COL9A1: variants seen among roughly 807,000 people sequenced by gnomAD.
COL9A1 encodes collagen alpha-1(IX) chain.
COL9A1 carries 104 observed loss-of-function variants against 142.6 expected under a neutral mutation model. That is an observed-to-expected ratio of 0.73 (90% CI 0.62 to 0.86). The LOEUF (loss-of-function observed/expected upper bound fraction) is 0.86, where lower values mean the gene tolerates loss of function less well. Among genes scored for constraint, COL9A1 ranks in the 40% least tolerant of loss-of-function variants. The pLI is 0.00. For synonymous variants in COL9A1, 466 were observed against 396.0 expected (o/e 1.18, Z -2.10); for missense variants, 1,210 against 1,176.6 (o/e 1.03, Z -0.42).
chr6:70,234,299 C>CAAAAAAAAAAAAAAAAAA (rs1376237848), intron 35 of COL9A1, among the ~76,000 whole-genome samples: 3 of 132,012 alleles, frequency 2.3e-5, no homozygotes, highest in Admixed American at 7.4e-5. Flanking sequence ...AAAAACAAAA[C>CAAAAAAAAAAAAAAAAAA]AAAACAAAAA....
intron 37 of COL9A1, among the ~76,000 whole-genome samples, chr6:70,220,423 T>A (rs1178080948): frequency 1.3e-5 from 2 of 150,070 alleles, no homozygotes; most frequent in Non-Finnish European, 1.5e-5. Flanking sequence ...TGTGTGGTCA[T>A]TTTTTTTAAT....
In COL9A1 at chr6:70,234,592, C is replaced by A; in HGVS notation, c.2261G>T (p.Gly754Val). ...TGLPGVQGPP[G>V]RAPTDQHIKQ... ...AATGTGCTGATCTGTCGGTGCTCTA[C>A]CCTGGGACAGAAAAGAAAAAAAGGC... Residue 754 changes from glycine (G) to valine (V), a missense_variant and splice_region_variant, in exon 35 of 38, where the codon GGT becomes GTT. Coordinates refer to ENST00000357250, the MANE Select transcript of COL9A1 (RefSeq NM_001851.6). 6.2e-7 allele frequency: 1 copy of A among 1,614,148 alleles called. No individual in the cohort carries two copies. The highest frequency in any genetic ancestry group is 8.5e-7 in the Non-Finnish European group (1 of 1,180,010).
chr6:70,267,327 G>GTTTTTTTTTGT lies in COL9A1; in HGVS notation c.1288-558_1288-557insACAAAAAAAAA, dbSNP rs1554241919. 3.1e-5 allele frequency among the ~76,000 whole-genome samples: 4 copies of GTTTTTTTTTGT among 127,032 alleles called. 1 individual carries two copies. Among genetic ancestry groups the GTTTTTTTTTGT allele is most frequent in the South Asian group, 2.5e-4 (1 of 4,052 alleles). The allele number at this position is 127,032 out of a possible 152,430, so 83.3% of individuals were successfully genotyped here. A position where few individuals can be genotyped will look rare whatever the true frequency, so the allele number is the denominator to read the frequency against. ...TTGTTGTTGTTTGTTTGGTTTTTTT[G>GTTTTTTTTTGT]TTTTTTTTTTTTGAGATGGAGCTTC... On this transcript the variant is annotated intron_variant, in intron 17 of 37. Coordinates refer to ENST00000357250, the MANE Select transcript of COL9A1 (RefSeq NM_001851.6).
chr6:70,217,238 T>C (rs750731160), intron 37 of COL9A1, among the ~76,000 whole-genome samples, 157 bp from the exon 38 acceptor site: 3 of 152,160 alleles, frequency 2.0e-5, no homozygotes, highest in Non-Finnish European at 4.4e-5. Flanking sequence ...ATGATGATGA[T>C]GATGATAATA....
At chr6:70,256,914 G>A in intron 20 of COL9A1, 93 bp from the exon 21 acceptor site, 2 of 1,213,944 alleles carry the variant, frequency 1.6e-6, no homozygotes, top group Admixed American at 1.9e-5. Context: ...ATAGCCAGAT[G>A]AAAAGGAGGT....
At position 70,260,646 on chromosome 6, in the gene COL9A1, C is replaced by T. The variant is rs1474954026; in HGVS notation, c.1449+11G>A. On this transcript the variant is annotated intron_variant, in intron 20 of 37. Coordinates refer to ENST00000357250, the MANE Select transcript of COL9A1 (RefSeq NM_001851.6). Reference sequence around the variant, plus strand: ...CATTTTGGTATTATATTATTGTCATCACCATCTTACTTTTTCCCCTTTGTC... The same window carrying T: ...CATTTTGGTATTATATTATTGTCATTACCATCTTACTTTTTCCCCTTTGTC... The T allele has an allele frequency of 6.2e-7, 1 of 1,610,192 alleles. No individual in the cohort carries two copies. The highest frequency in any genetic ancestry group is 1.1e-5 in the South Asian group (1 of 90,980).
Position 70,280,850 on chromosome 6 carries a change from G to A in COL9A1, c.937C>T (p.Pro313Ser), listed in dbSNP as rs781285065. ...PPGPAGEPGK[P>S]GAPGKPGTPG... is the part of the protein sequence containing the mutation. ...GTGCCAGGCTTGCCTGGAGCTCCTGGCTTTCCCGGTTCACCTGCAGGACCC... is the reference window on the plus strand; with the variant it reads ...GTGCCAGGCTTGCCTGGAGCTCCTGACTTTCCCGGTTCACCTGCAGGACCC... Residue 313 changes from proline to serine, a missense_variant, in exon 10 of 38, where the codon CCA (proline) becomes TCA (serine). By Grantham distance (74) the Pro-to-Ser change is moderately conservative. Coordinates refer to ENST00000357250, the MANE Select transcript of COL9A1 (RefSeq NM_001851.6). 1 of 1,610,012 alleles carries A rather than the reference G, an allele frequency of 6.2e-7. No homozygotes were observed.
chr6:70,217,532 GTAAAC>G (rs1401962673), intron 37 of COL9A1, among the ~76,000 whole-genome samples: 4 of 152,206 alleles, frequency 2.6e-5, no homozygotes, highest in African/African-American at 9.7e-5. Context: ...AGTGGGTTAA[GTAAAC>G]TATATTATTA....
In COL9A1 at chr6:70,234,783, C is replaced by T. The variant is rs763477632; in HGVS notation, c.2259+11G>A. 1.2e-6 allele frequency: 2 copies of T among 1,614,044 alleles called. No individual in the cohort carries two copies. The highest frequency in any genetic ancestry group is 8.5e-7 in the Non-Finnish European group (1 of 1,179,972). ...TCCAAAGGGAAACCACAGAAGCTGC[C>T]CACCACTCACCGGAGGGCCCTGGAC... On this transcript the variant is annotated intron_variant, in intron 34 of 37. Transcript: ENST00000357250.
chr6:70,223,158 G>A (rs1200565), intron 37 of COL9A1, among the ~76,000 whole-genome samples: 14,386 of 152,110 alleles, frequency 0.095, 1,050 homozygotes, highest in African/African-American at 0.2. Flanking sequence ...GCTGATCAAC[G>A]GCAAGAGAAA....
chr6:70,257,386 C>T (rs972163645), intron 20 of COL9A1, among the ~76,000 whole-genome samples: 1 of 152,104 alleles, frequency 6.6e-6, no homozygotes, highest in South Asian at 2.1e-4. Context: ...GTTAACACTG[C>T]ACCCATCCTC....
intron 28 of COL9A1, among the ~76,000 whole-genome samples, chr6:70,243,007 T>C (rs1223090596): frequency 6.6e-6 from 1 of 152,266 alleles, no homozygotes. Context: ...TTTGTGTCCA[T>C]GTTTTAAGCC....
chr6:70,256,084 C>G (rs1294631846), intron 21 of COL9A1, among the ~76,000 whole-genome samples: 1 of 152,184 alleles, frequency 6.6e-6, no homozygotes, highest in Non-Finnish European at 1.5e-5. Flanking sequence ...CCCATCACCA[C>G]CAACAGTGCC....
In COL9A1 at chr6:70,216,884, A is replaced by C; in HGVS notation, c.*13T>G. 6.2e-7 allele frequency: 1 copy of C among 1,613,662 alleles called. No individual in the cohort carries two copies. The highest frequency in any genetic ancestry group is 8.5e-7 in the Non-Finnish European group (1 of 1,179,956). On this transcript the variant is annotated 3_prime_UTR_variant, in exon 38 of 38. Coordinates refer to ENST00000357250, the MANE Select transcript of COL9A1 (RefSeq NM_001851.6). The stretch of plus-strand genomic sequence containing the variant: ...GCGTGGTTCATGCAGACAGCCATGC[A>C]GCAGTAAGCCTTTCAAGGGTCAGGC...
intron 32 of COL9A1, 61 bp downstream of exon 32, chr6:70,240,628 A>G (rs922728665): frequency 9.4e-6 from 11 of 1,166,960 alleles, no homozygotes; most frequent in Non-Finnish European, 1.4e-5. Context: ...GTATATATAT[A>G]TACTTCTAAC....
Position 70,277,408 on chromosome 6 carries a change from A to T in COL9A1, c.976-2636T>A, listed in dbSNP as rs183745847. Among the ~76,000 whole-genome samples the T allele has an allele frequency of 3.9e-5, 6 of 152,236 alleles. No homozygotes were observed. The East Asian group carries it at 1.2e-3, about 29-fold the overall frequency. ...TTGAGTTGAAATATACAGACCACAC[A>T]CATAATACATACATAATTTTCAAAA... On this transcript the variant is annotated intron_variant, in intron 10 of 37. Coordinates refer to ENST00000357250, the MANE Select transcript of COL9A1 (RefSeq NM_001851.6).
chr6:70,248,272 C>T (rs559843380), intron 28 of COL9A1, among the ~76,000 whole-genome samples: 23 of 152,240 alleles, frequency 1.5e-4, no homozygotes, highest in Admixed American at 1.4e-3. Context: ...TAGCCTACAT[C>T]GTAAAGGCAG....
chr6:70,231,114 T>C (rs1471862946), intron 36 of COL9A1, among the ~76,000 whole-genome samples: 2 of 152,142 alleles, frequency 1.3e-5, no homozygotes, highest in East Asian at 1.9e-4. Flanking sequence ...TCTGATTCAG[T>C]GGACTCAGTG....
chr6:70,287,203 C>G (rs367793294), intron 5 of COL9A1, among the ~76,000 whole-genome samples: 3 of 152,082 alleles, frequency 2.0e-5, no homozygotes, highest in Non-Finnish European at 4.4e-5. Flanking sequence ...GTTACAACAA[C>G]AAGTCCCAAG....
Sources: gnomAD v4.1 joint callset for allele counts (sites outside exome capture counted in the v4.1 genomes callset) on GRCh38, gnomAD v4.1.1 for gene constraint, MANE v1.5 for transcripts, NCBI Gene and HGNC (gene_info 2026-07-23, HGNC 2026-07-21) for gene names.